The following CHRM2 variants were observed in gnomAD, a reference collection of about 807,000 sequenced individuals.
The protein encoded by CHRM2 is cholinergic receptor muscarinic 2, also known as muscarinic acetylcholine receptor M2.
CHRM2 carries 8 observed loss-of-function variants against 25.0 expected under a neutral mutation model. The observed-to-expected ratio is 0.32, with a 90% confidence interval of 0.19 to 0.58. CHRM2 has a LOEUF of 0.58. Among genes scored for constraint, CHRM2 ranks in the 20% least tolerant of loss-of-function variants. The probability of loss-of-function intolerance (pLI) is 0.88; values close to 1 mark genes in which losing one functional copy is unlikely to be tolerated. For synonymous variants in CHRM2, 202 were observed against 205.7 expected, an observed-to-expected ratio of 0.98 and a Z score of 0.15; for missense variants, 440 against 567.1, an observed-to-expected ratio of 0.78 and a Z score of 2.28.
chr7:136,923,227 T>C (rs1466438409), intron 2 of CHRM2, among the ~76,000 whole-genome samples: 1 of 150,780 alleles, frequency 6.6e-6, no homozygotes, highest in South Asian at 2.1e-4. Flanking sequence ...AGGTCATAAA[T>C]GATTTAAAAA....
chr7:136,936,124 G>C (rs371881959), intron 2 of CHRM2, among the ~76,000 whole-genome samples: 6 of 151,982 alleles, frequency 3.9e-5, no homozygotes, highest in African/African-American at 1.4e-4. Flanking sequence ...GGGTAGCGGA[G>C]ATATTTTTCA....
intron 2 of CHRM2, among the ~76,000 whole-genome samples, chr7:136,901,140 G>A (rs573063279): frequency 2.0e-5 from 3 of 152,050 alleles, no homozygotes; most frequent in Non-Finnish European, 4.4e-5. Context: ...ACAGCCCGGG[G>A]AGTGTGGGCA....
At chr7:136,972,705 G>C (rs573331602) in intron 2 of CHRM2, among the ~76,000 whole-genome samples, 1 of 152,230 alleles carries the variant, frequency 6.6e-6, no homozygotes, top group Non-Finnish European at 1.5e-5. Context: ...TGATGGTGAT[G>C]GTGTTAGGGA....
chr7:136,938,915 C>CAAAAAAAAAAAAAAAAAAAAA (rs56868385), intron 2 of CHRM2, among the ~76,000 whole-genome samples: 2 of 66,910 alleles, frequency 3.0e-5, no homozygotes, highest in Non-Finnish European at 5.7e-5. Flanking sequence ...CTAGCTCTGC[C>CAAAAAAAAAAAAAAAAAAAAA]AAAAAAAAAA....
Position 136,924,437 on chromosome 7 carries a change from C to T in CHRM2, c.-125+55019C>T, listed in dbSNP as rs537495579. On this transcript the variant is annotated intron_variant, in intron 2 of 3. Coordinates refer to ENST00000680005, the MANE Select transcript of CHRM2 (RefSeq NM_001006630.2). ...CCAAGTGTTCTCATTGTTCAATTCC[C>T]ACCTATGAGTGAGAACATGCGTTGT... Among the ~76,000 whole-genome samples the T allele has an allele frequency of 2.0e-5, 3 of 150,152 alleles. No homozygotes were observed. In the South Asian group the frequency reaches 6.4e-4, roughly 32 times the overall value.
intron 2 of CHRM2, chr7:136,870,659 G>A (rs553492943): frequency 6.5e-6 from 1 of 152,732 alleles, no homozygotes; most frequent in East Asian, 1.9e-4. Flanking sequence ...TTCGCCAGGG[G>A]CAGAGAGGCT....
intron 3 of CHRM2, among the ~76,000 whole-genome samples, chr7:137,010,661 G>A (rs2131108654): frequency 6.6e-6 from 1 of 151,976 alleles, no homozygotes; most frequent in Admixed American, 6.6e-5. Context: ...TAAGAAAAAT[G>A]TTTTCCACTT....
intron 2 of CHRM2, among the ~76,000 whole-genome samples, chr7:136,880,450 C>G (rs1281324916): frequency 6.6e-6 from 1 of 151,890 alleles, no homozygotes; most frequent in East Asian, 1.9e-4. Context: ...TTGCAGTAAA[C>G]ATTTGACTAC....
chr7:136,909,094 G>A (rs892526950), intron 2 of CHRM2, among the ~76,000 whole-genome samples: 2 of 151,884 alleles, frequency 1.3e-5, no homozygotes, highest in African/African-American at 4.8e-5. Flanking sequence ...TTCATATGCT[G>A]ATCAGTCAGG....
intron 2 of CHRM2, among the ~76,000 whole-genome samples, chr7:136,893,676 G>T (rs1796782350): frequency 6.6e-6 from 1 of 152,170 alleles, no homozygotes; most frequent in Non-Finnish European, 1.5e-5. Context: ...ATAGAAGAAG[G>T]TGTTGACATT....
chr7:136,872,922 T>C (rs906302438), intron 2 of CHRM2, among the ~76,000 whole-genome samples: 2 of 152,190 alleles, frequency 1.3e-5, no homozygotes, highest in African/African-American at 4.8e-5. Context: ...TTCTATTATC[T>C]TCACAAGATC....
intron 2 of CHRM2, chr7:136,938,441 T>G (rs943373792): frequency 7.7e-7 from 1 of 1,291,882 alleles, no homozygotes; most frequent in East Asian, 2.3e-5. Context: ...TTGTTGAGGG[T>G]CTTGATCTGC....
At chr7:137,013,386 A>G (rs1484816587) in intron 3 of CHRM2, among the ~76,000 whole-genome samples, 2 of 152,100 alleles carry the variant, frequency 1.3e-5, no homozygotes, top group South Asian at 2.1e-4. Flanking sequence ...GTTGCTTACC[A>G]AATTATTTTC....
chr7:136,876,146 T>C (rs749551742), intron 2 of CHRM2, among the ~76,000 whole-genome samples: 1 of 152,216 alleles, frequency 6.6e-6, no homozygotes, highest in Non-Finnish European at 1.5e-5. Flanking sequence ...ATCAATATAA[T>C]AATAATGACA....
At chr7:136,886,671 A>C (rs563264421) in intron 2 of CHRM2, among the ~76,000 whole-genome samples, 1 of 152,214 alleles carries the variant, frequency 6.6e-6, no homozygotes, top group Admixed American at 6.5e-5. Flanking sequence ...GTTCAAGACC[A>C]GTCTGGGCAA....
At chr7:136,988,436 G>A (rs1802999444) in intron 2 of CHRM2, among the ~76,000 whole-genome samples, 1 of 152,042 alleles carries the variant, frequency 6.6e-6, no homozygotes, top group South Asian at 2.1e-4. Flanking sequence ...TTATCTGCTG[G>A]CCTATATGTT....
At chr7:136,900,417 C>A (rs547835267) in intron 2 of CHRM2, among the ~76,000 whole-genome samples, 209 of 152,134 alleles carry the variant, frequency 1.4e-3, no homozygotes, top group African/African-American at 4.9e-3. Flanking sequence ...CAGGAGGCTG[C>A]GTTGAAAACT....
At chr7:136,874,911 C>T (rs1417270023) in intron 2 of CHRM2, among the ~76,000 whole-genome samples, 2 of 150,556 alleles carry the variant, frequency 1.3e-5, no homozygotes, top group South Asian at 2.1e-4. Flanking sequence ...AAAAGAGATG[C>T]CACCGAGATA....
At chr7:136,914,267 T>C (rs1797989958) in intron 2 of CHRM2, 1 of 151,984 alleles carries the variant, frequency 6.6e-6, no homozygotes. Context: ...TGATTGCAAA[T>C]GGTTCATAAA....
Sources: gnomAD v4.1 joint callset for allele counts (sites outside exome capture counted in the v4.1 genomes callset) on GRCh38, gnomAD v4.1.1 for gene constraint, MANE v1.5 for transcripts, NCBI Gene and HGNC (gene_info 2026-07-23, HGNC 2026-07-21) for gene names.